DLGAP2: variants seen among roughly 807,000 people sequenced by gnomAD.
The protein encoded by DLGAP2 is disks large-associated protein 2.
DLGAP2 carries 26 observed loss-of-function variants against 100.3 expected under a neutral mutation model. The ratio of observed to expected loss-of-function variants is 0.26; its 90% CI spans 0.19 to 0.36. The LOEUF (loss-of-function observed/expected upper bound fraction) is 0.36. Ranked by LOEUF, DLGAP2 falls within the 10% of genes least tolerant of loss-of-function variation. The pLI is 1.00. For missense variants in DLGAP2, 1,858 were observed against 1,453.2 expected (o/e 1.28, Z -4.53); for synonymous variants, 886 against 630.1 (o/e 1.41, Z -6.08).
At chr8:1,133,850 C>T (rs1014711274) in intron 2 of DLGAP2, among the ~76,000 whole-genome samples, 2 of 151,744 alleles carry the variant, frequency 1.3e-5, no homozygotes, top group African/African-American at 4.8e-5. Flanking sequence ...ATTGATTAAC[C>T]CTTTTTTTTT....
At chr8:1,295,794 G>A (rs1800159459) in intron 3 of DLGAP2, among the ~76,000 whole-genome samples, 1 of 152,220 alleles carries the variant, frequency 6.6e-6, no homozygotes, top group Non-Finnish European at 1.5e-5. Flanking sequence ...CCTCGTGACA[G>A]GGAAGTGGGA....
intron 3 of DLGAP2, among the ~76,000 whole-genome samples, chr8:1,372,219 ACGCTGGTCACCGTGGTGCCAACG>A (rs1563111382): frequency 1.2e-5 from 1 of 83,646 alleles, no homozygotes; most frequent in African/African-American, 4.1e-5. Context: ...CAACGCTGGG[ACGCTGGTCACCGTGGTGCCAACG>A]CTGGGACGCT....
chr8:928,271 G>C (rs1285036764), intron 2 of DLGAP2, among the ~76,000 whole-genome samples: 1 of 152,204 alleles, frequency 6.6e-6, no homozygotes, highest in Non-Finnish European at 1.5e-5. Flanking sequence ...AGGTGTCCTG[G>C]ACACGGTTTA....
intron 3 of DLGAP2, among the ~76,000 whole-genome samples, chr8:1,269,341 C>A (rs966896009): frequency 6.6e-6 from 1 of 152,164 alleles, no homozygotes. Flanking sequence ...GAGGATGGGA[C>A]CTGCTGGAAA....
intron 3 of DLGAP2, among the ~76,000 whole-genome samples, chr8:1,448,416 C>T (rs1798041563): frequency 6.6e-6 from 1 of 152,186 alleles, no homozygotes; most frequent in South Asian, 2.1e-4. Context: ...TTTCTTAGTC[C>T]TGACTTCCAG....
In DLGAP2 at chr8:1,048,886, C is replaced by A. The variant is rs554948386; in HGVS notation, c.73+140920C>A. ...AAATTCAGTGTGCCTATAAATATGA[C>A]TAAGTGATTTCACAACTATATTTAA... On this transcript the variant is annotated intron_variant, in intron 2 of 14. Coordinates refer to ENST00000637795, the MANE Select transcript of DLGAP2 (RefSeq NM_001346810.2). 3.3e-5 allele frequency among the ~76,000 whole-genome samples: 5 copies of A among 152,232 alleles called. No individual in the cohort carries two copies. In the East Asian group the frequency reaches 9.7e-4, roughly 29 times the overall value.
intron 2 of DLGAP2, among the ~76,000 whole-genome samples, chr8:913,977 C>G (rs1039312855): frequency 6.6e-6 from 1 of 152,178 alleles, no homozygotes; most frequent in African/African-American, 2.4e-5. Context: ...TGGGAAATCT[C>G]CACGTGTGGA....
intron 1 of DLGAP2, among the ~76,000 whole-genome samples, chr8:904,123 A>G (rs1301820906): frequency 6.6e-6 from 1 of 152,242 alleles, no homozygotes; most frequent in African/African-American, 2.4e-5. Context: ...CATCCACTGC[A>G]TATGACGAGG....
At chr8:1,447,368 G>A (rs1043296486) in intron 3 of DLGAP2, among the ~76,000 whole-genome samples, 1 of 152,264 alleles carries the variant, frequency 6.6e-6, no homozygotes. Context: ...CTTTGGTTCT[G>A]TTTATATGCT....
chr8:1,346,369 G>C (rs1585282481), intron 3 of DLGAP2, among the ~76,000 whole-genome samples: 1 of 151,644 alleles, frequency 6.6e-6, no homozygotes. Context: ...GCTGTGTGGA[G>C]TTTGAGTTCC....
At chr8:1,595,730 C>T (rs1443566276) in intron 6 of DLGAP2, among the ~76,000 whole-genome samples, 1 of 150,968 alleles carries the variant, frequency 6.6e-6, no homozygotes, top group Admixed American at 6.6e-5. Flanking sequence ...GAGCTCCCCA[C>T]CCAGTTACTC....
intron 6 of DLGAP2, chr8:1,622,436 G>A (rs1563262624): frequency 6.6e-6 from 1 of 152,176 alleles, no homozygotes; most frequent in Non-Finnish European, 1.5e-5. Flanking sequence ...GGGGTCAGAG[G>A]CCCTTTCAGG....
rs764889018 is a variant in DLGAP2 at position 1,205,064 on chromosome 8, G to A, written c.74-53787G>A. 4.6e-5 allele frequency among the ~76,000 whole-genome samples: 7 copies of A among 152,306 alleles called. No homozygotes were observed. The South Asian group carries it at 8.3e-4, about 18-fold the overall frequency. ...GCTGGTCTCTGCATCATGGGGAACCGGAATGTGGTTGGGTTTCCTGTGTTT... is the reference window on the plus strand; with the variant it reads ...GCTGGTCTCTGCATCATGGGGAACCAGAATGTGGTTGGGTTTCCTGTGTTT... On this transcript the variant is annotated intron_variant, in intron 2 of 14. Transcript: ENST00000637795.
At chr8:1,558,284 G>C (rs1423643768) in intron 5 of DLGAP2, among the ~76,000 whole-genome samples, 1 of 152,214 alleles carries the variant, frequency 6.6e-6, no homozygotes, top group African/African-American at 2.4e-5. Context: ...GCTTAGATGG[G>C]GGTTTTGTAC....
chr8:1,589,610 T>C (rs981405625), intron 6 of DLGAP2, among the ~76,000 whole-genome samples: 34 of 152,148 alleles, frequency 2.2e-4, no homozygotes, highest in African/African-American at 7.7e-4. Context: ...AATTTTTGTT[T>C]TTGTTTTTGT....
chr8:1,458,695 C>T lies in DLGAP2; in HGVS notation c.107-42671C>T, dbSNP rs561367700. 2.0e-5 allele frequency among the ~76,000 whole-genome samples: 3 copies of T among 152,340 alleles called. No individual in the cohort carries two copies. The South Asian group carries it at 6.2e-4, about 32-fold the overall frequency. On this transcript the variant is annotated intron_variant, in intron 3 of 14. Coordinates refer to ENST00000637795, the MANE Select transcript of DLGAP2 (RefSeq NM_001346810.2). ...GGTTGCAGGACAGGGCTCAGAGCAG[C>T]CTTCCCTGGGGAAGACAGGGTTTGC...
intron 2 of DLGAP2, among the ~76,000 whole-genome samples, chr8:1,024,796 C>T (rs1318762797): frequency 2.0e-5 from 3 of 152,138 alleles, no homozygotes; most frequent in African/African-American, 7.2e-5. Flanking sequence ...GTGGGACACG[C>T]GTGAGGGGCT....
intron 2 of DLGAP2, among the ~76,000 whole-genome samples, chr8:1,214,920 C>A (rs1443430255): frequency 1.3e-5 from 2 of 152,342 alleles, no homozygotes; most frequent in South Asian, 4.1e-4. Flanking sequence ...TTGCTTCCCT[C>A]CTCTGGCTGA....
intron 1 of DLGAP2, among the ~76,000 whole-genome samples, chr8:813,800 C>A (rs1055376349): frequency 6.6e-6 from 1 of 152,126 alleles, no homozygotes; most frequent in African/African-American, 2.4e-5. Context: ...GCACATTTCT[C>A]CAGCAGATAA....
Sources: allele counts gnomAD v4.1 joint callset (sites outside exome capture counted in the v4.1 genomes callset), GRCh38; gene constraint gnomAD v4.1.1; transcripts MANE v1.5; gene names NCBI Gene and HGNC (gene_info 2026-07-23, HGNC 2026-07-21).